CDH23: variants seen among roughly 807,000 people sequenced by gnomAD.
CDH23 encodes the protein cadherin-23.
A neutral mutation model predicts 317.1 loss-of-function variants in CDH23; 189 were observed. The ratio of observed to expected loss-of-function variants is 0.60; its 90% CI spans 0.53 to 0.67. The LOEUF (loss-of-function observed/expected upper bound fraction) is 0.67. CDH23 is among the 30% of genes least tolerant of loss of function. CDH23 has a pLI of 0.00. For synonymous variants in CDH23, 1,839 were observed against 1,876.8 expected, an observed-to-expected ratio of 0.98 and a Z score of 0.52; for missense variants, 4,401 against 4,592.4, an observed-to-expected ratio of 0.96 and a Z score of 1.20.
chr10:71,794,436 G>A (rs1271863699), intron 48 of CDH23: 1 of 152,220 alleles, frequency 6.6e-6, no homozygotes, highest in Non-Finnish European at 1.5e-5. Context: ...GAAACCAAGA[G>A]AACCATGGCT....
chr10:71,461,848 T>C (rs1291111217), intron 3 of CDH23, among the ~76,000 whole-genome samples: 2 of 152,226 alleles, frequency 1.3e-5, no homozygotes, highest in African/African-American at 4.8e-5. Flanking sequence ...TGTGGGCTCA[T>C]GTTGGCAGTG....
intron 51 of CDH23, 101 bp downstream of exon 51, chr10:71,799,381 G>T: frequency 1.2e-6 from 2 of 1,604,312 alleles, no homozygotes. Context: ...AGCCCCCTGG[G>T]AGTGCCCAGC....
intron 61 of CDH23, 88 bp from the exon 62 acceptor site, chr10:71,810,384 G>T (rs1184393405): frequency 1.7e-6 from 2 of 1,208,162 alleles, no homozygotes; most frequent in Non-Finnish European, 1.2e-6. Context: ...TTGCAGGGAA[G>T]GGCAGAAGGG....
intron 3 of CDH23, among the ~76,000 whole-genome samples, chr10:71,488,417 T>A (rs959722877): frequency 2.6e-5 from 4 of 152,200 alleles, no homozygotes; most frequent in Non-Finnish European, 5.9e-5. Context: ...TCACTGAGAT[T>A]GGCAGCAGAA....
intron 38 of CDH23, chr10:71,760,896 C>T (rs751025857): frequency 2.5e-6 from 4 of 1,613,778 alleles, no homozygotes; most frequent in Middle Eastern, 1.7e-4. Flanking sequence ...AGGATGGGTA[C>T]ACCACACAGT....
intron 6 of CDH23, among the ~76,000 whole-genome samples, chr10:71,544,581 G>T (rs1274402900): frequency 6.6e-6 from 1 of 152,210 alleles, no homozygotes; most frequent in Non-Finnish European, 1.5e-5. Context: ...GGGTTAACCG[G>T]TTAGTGACCG....
intron 6 of CDH23, among the ~76,000 whole-genome samples, chr10:71,513,571 G>C (rs1461740916): frequency 1.3e-5 from 2 of 152,216 alleles, no homozygotes; most frequent in Non-Finnish European, 1.5e-5. Flanking sequence ...GTGAATGCCA[G>C]GGTCTGCCAG....
intron 38 of CDH23, among the ~76,000 whole-genome samples, chr10:71,767,294 C>T (rs1303812754): frequency 6.6e-6 from 1 of 152,170 alleles, no homozygotes; most frequent in Non-Finnish European, 1.5e-5. Flanking sequence ...CATGACAGGG[C>T]GTGAGCTTAG....
intron 1 of CDH23, among the ~76,000 whole-genome samples, chr10:71,399,934 C>G (rs865936140): frequency 6.6e-6 from 1 of 152,000 alleles, no homozygotes; most frequent in South Asian, 2.1e-4. Context: ...AACTACTCTC[C>G]ACCTCATCTG....
At chr10:71,486,476 G>GAC (rs1339106582) in intron 3 of CDH23, among the ~76,000 whole-genome samples, 4 of 151,868 alleles carry the variant, frequency 2.6e-5, no homozygotes, top group Non-Finnish European at 5.9e-5. Context: ...ATTATGAGGG[G>GAC]ACACATGACA....
At chr10:71,462,893 G>T (rs116456419) in intron 3 of CDH23, among the ~76,000 whole-genome samples, 2,148 of 152,326 alleles carry the variant, frequency 0.014, 60 homozygotes, top group African/African-American at 0.049. Context: ...GAAGATACAC[G>T]TGGGAGTGCT....
chr10:71,402,706 AGT>A (rs61127679), intron 1 of CDH23, among the ~76,000 whole-genome samples: 6,192 of 148,854 alleles, frequency 0.042, 341 homozygotes, highest in African/African-American at 0.13. Flanking sequence ...ATTCTTCCTG[AGT>A]GTGTGTGTGT....
chr10:71,412,193 A>G (rs1848369991), intron 1 of CDH23, among the ~76,000 whole-genome samples: 1 of 152,210 alleles, frequency 6.6e-6, no homozygotes, highest in Non-Finnish European at 1.5e-5. Flanking sequence ...ACCATATTTT[A>G]TATCCATTCA....
At chr10:71,670,625 T>A (rs1224901939) in intron 14 of CDH23, among the ~76,000 whole-genome samples, 1 of 152,122 alleles carries the variant, frequency 6.6e-6, no homozygotes, top group Admixed American at 6.5e-5. Flanking sequence ...GAGAGAACAG[T>A]CTGGGGTGTA....
chr10:71,431,621 G>C (rs995318254), intron 1 of CDH23, among the ~76,000 whole-genome samples: 1 of 152,228 alleles, frequency 6.6e-6, no homozygotes. Flanking sequence ...TCAAAGTTGA[G>C]TGCATCTGAT....
chr10:71,690,439 C>T (rs750384574), intron 19 of CDH23, 29 bp from the exon 20 acceptor site: 1 of 1,522,576 alleles, frequency 6.6e-7, no homozygotes, highest in East Asian at 2.4e-5. Flanking sequence ...TGAGCAGCAC[C>T]CCCTGCCCCC....
At chr10:71,616,909 C>T (rs146546496) in intron 10 of CDH23, among the ~76,000 whole-genome samples, 9 of 152,322 alleles carry the variant, frequency 5.9e-5, no homozygotes, top group African/African-American at 2.2e-4. Flanking sequence ...TCTGTCTTGT[C>T]CTCCCTACCC....
intron 9 of CDH23, among the ~76,000 whole-genome samples, chr10:71,588,830 G>A (rs1483249026): frequency 6.6e-6 from 1 of 152,176 alleles, no homozygotes; most frequent in Non-Finnish European, 1.5e-5. Flanking sequence ...AACTCACCAG[G>A]CCTCTGCTGT....
chr10:71,797,161 C>T lies in CDH23; in HGVS notation c.6770C>T (p.Thr2257Ile). The T allele has an allele frequency of 1.2e-6, 2 of 1,613,700 alleles. No homozygotes were observed. The highest frequency in any genetic ancestry group is 1.7e-6 in the Non-Finnish European group (2 of 1,179,780). ...GAGCTGGTTGCCACCTATGAGGTCA[C>T]TCTCTCAGTGATTGACAATGCCAGC... ...NRELVATYEVTLSVIDNASDL... is the reference protein window; with the variant it reads ...NRELVATYEVILSVIDNASDL... Residue 2257 changes from threonine to isoleucine, a missense_variant, in exon 49 of 70, where the codon ACT (threonine) becomes ATT (isoleucine). This residue lies in a region of CDH23 where 3,068 missense variants were observed against 3,203.3 expected (regional missense o/e 0.96). Coordinates refer to ENST00000224721, the MANE Select transcript of CDH23 (RefSeq NM_022124.6).
Sources: gnomAD v4.1 joint callset for allele counts (sites outside exome capture counted in the v4.1 genomes callset) on GRCh38, gnomAD v4.1.1 for gene constraint, gnomAD v4.1.1 regional missense constraint, MANE v1.5 for transcripts, NCBI Gene and HGNC (gene_info 2026-07-23, HGNC 2026-07-21) for gene names.